The following FMNL2 variants were observed in gnomAD, a reference collection of about 807,000 sequenced individuals.
FMNL2 encodes the protein formin like 2, also known as formin-like protein 2.
A neutral mutation model predicts 130.2 loss-of-function variants in FMNL2; 51 were observed. That is an observed-to-expected ratio of 0.39 (90% CI 0.31 to 0.49). The LOEUF (loss-of-function observed/expected upper bound fraction) is 0.49. Among genes scored for constraint, FMNL2 ranks in the 20% least tolerant of loss-of-function variants. The pLI, the probability that FMNL2 is intolerant of heterozygous loss-of-function variation, is 0.85. For missense variants in FMNL2, 977 were observed against 1,316.2 expected (o/e 0.74, Z 3.99); for synonymous variants, 465 against 467.1 (o/e 1.00, Z 0.06).
At chr2:152,623,603 C>T (rs1348806612) in intron 15 of FMNL2, among the ~76,000 whole-genome samples, 2 of 152,102 alleles carry the variant, frequency 1.3e-5, no homozygotes, top group Non-Finnish European at 2.9e-5. Flanking sequence ...GGCAGGCAGC[C>T]AGCTACAAGC....
Position 152,640,037 on chromosome 2 carries a change from T to TG in FMNL2, c.3028dup (p.Glu1010GlyfsTer11). On this transcript the variant is annotated frameshift_variant, in exon 24 of 26. Transcript: ENST00000288670. LOFTEE classifies it high-confidence loss of function. ...AAACTCCTAGAGCAAGAAGCTCTGA[T>TG]GGAGCAGCAGGATCCAAAGGTAAGA... The TG allele has an allele frequency of 6.4e-7, 1 of 1,554,120 alleles. No individual in the cohort carries two copies. The highest frequency in any genetic ancestry group is 8.7e-7 in the Non-Finnish European group (1 of 1,148,772).
chr2:152,450,777 T>A (rs541118540), intron 1 of FMNL2, among the ~76,000 whole-genome samples: 1 of 152,294 alleles, frequency 6.6e-6, no homozygotes, highest in Non-Finnish European at 1.5e-5. Flanking sequence ...CTGCCCAAGC[T>A]CTCACAAAAG....
intron 2 of FMNL2, among the ~76,000 whole-genome samples, chr2:152,535,389 T>G (rs1052842262): frequency 3.3e-5 from 5 of 152,238 alleles, no homozygotes; most frequent in African/African-American, 1.2e-4. Flanking sequence ...GAGGTTCCTT[T>G]GATCATCTCA....
intron 14 of FMNL2, 68 bp downstream of exon 14, chr2:152,619,226 C>G: frequency 6.8e-7 from 1 of 1,472,104 alleles, no homozygotes. Flanking sequence ...TGCCAACTGT[C>G]CACTTCTGTC....
At chr2:152,622,823 T>C (rs1305595198) in intron 15 of FMNL2, among the ~76,000 whole-genome samples, 1 of 151,220 alleles carries the variant, frequency 6.6e-6, no homozygotes, top group African/African-American at 2.5e-5. Context: ...TTTTTTTTTT[T>C]TTTTCTTCTT....
At chr2:152,395,914 G>A (rs1276992265) in intron 1 of FMNL2, among the ~76,000 whole-genome samples, 11 of 151,846 alleles carry the variant, frequency 7.2e-5, no homozygotes, top group East Asian at 1.9e-4. Context: ...GGGGCGGGGC[G>A]GCGGCAGGCA....
intron 7 of FMNL2, among the ~76,000 whole-genome samples, chr2:152,577,339 A>G (rs1399265773): frequency 3.3e-5 from 5 of 152,222 alleles, no homozygotes; most frequent in Admixed American, 1.3e-4. Flanking sequence ...GAGGGAGATC[A>G]TTAGGAATTC....
rs560628328 is a variant in FMNL2, at chr2:152,419,404, GACA to G, written c.117+83688_117+83690del. ...AAAAGGAAGAAATTCTGTCATTTGC[GACA>G]ACATGAGTGGAATTAGAAAACATGC... On this transcript the variant is annotated intron_variant, in intron 1 of 25. Coordinates refer to ENST00000288670, the MANE Select transcript of FMNL2 (RefSeq NM_052905.4). Among the ~76,000 whole-genome samples, 48 of 152,124 alleles carry G rather than the reference GACA, an allele frequency of 3.2e-4. 1 individual carries two copies. The South Asian group carries it at 9.5e-3, about 30-fold the overall frequency.
chr2:152,429,215 CAAAAAAAAAA>C (rs3047928), intron 1 of FMNL2, among the ~76,000 whole-genome samples: 2 of 95,788 alleles, frequency 2.1e-5, no homozygotes, highest in African/African-American at 3.1e-5. Flanking sequence ...CTTAGAGGAA[CAAAAAAAAAA>C]AAAAAAAAAG....
At chr2:152,621,492 C>T (rs1454794038) in intron 15 of FMNL2, among the ~76,000 whole-genome samples, 1 of 131,202 alleles carries the variant, frequency 7.6e-6, no homozygotes, top group African/African-American at 2.9e-5. Flanking sequence ...TGGCTGATAA[C>T]CAACTGCTTT....
chr2:152,457,077 G>A (rs1688999580), intron 1 of FMNL2, among the ~76,000 whole-genome samples: 1 of 152,024 alleles, frequency 6.6e-6, no homozygotes, highest in Non-Finnish European at 1.5e-5. Context: ...GAATGGAGTT[G>A]ACTGTTAAAC....
chr2:152,640,639 T>C (rs992191870), intron 24 of FMNL2, among the ~76,000 whole-genome samples, 152 bp from the exon 25 acceptor site: 1 of 152,206 alleles, frequency 6.6e-6, no homozygotes, highest in African/African-American at 2.4e-5. Context: ...TCCCAGAAGC[T>C]TGAGTTCTCT....
intron 1 of FMNL2, among the ~76,000 whole-genome samples, chr2:152,403,727 T>C (rs182398278): frequency 6.6e-6 from 1 of 152,300 alleles, no homozygotes; most frequent in African/African-American, 2.4e-5. Flanking sequence ...CACGTCACCT[T>C]TGTGACCCTG....
chr2:152,457,643 T>A (rs926405286), intron 1 of FMNL2, among the ~76,000 whole-genome samples: 6 of 152,214 alleles, frequency 3.9e-5, no homozygotes, highest in Admixed American at 3.9e-4. Flanking sequence ...CCAAAAGATG[T>A]ATGTTTTCTA....
chr2:152,342,536 T>A (rs1302953703), intron 1 of FMNL2, among the ~76,000 whole-genome samples: 1 of 152,208 alleles, frequency 6.6e-6, no homozygotes, highest in Non-Finnish European at 1.5e-5. Context: ...AGAGCCTTCA[T>A]GTACCTTCTT....
chr2:152,516,081 C>G (rs1015851379), intron 1 of FMNL2, among the ~76,000 whole-genome samples: 17 of 152,068 alleles, frequency 1.1e-4, no homozygotes, highest in Non-Finnish European at 1.6e-4. Context: ...TTGTGCTACC[C>G]AGCCATCCAG....
In FMNL2 at chr2:152,491,913, T is replaced by C. The variant is rs747779358; in HGVS notation, c.118-30030T>C. ...TTGCAGTAAGCTGAGATTGTGCTAC[T>C]GCACTCCAGCCTGGGCGACAGAGTG... On this transcript the variant is annotated intron_variant, in intron 1 of 25. Transcript: ENST00000288670. 2.0e-5 allele frequency among the ~76,000 whole-genome samples: 3 copies of C among 152,222 alleles called. No individual in the cohort carries two copies. The South Asian group carries it at 6.2e-4, about 31-fold the overall frequency.
At chr2:152,500,584 T>G (rs1691765067) in intron 1 of FMNL2, among the ~76,000 whole-genome samples, 1 of 152,200 alleles carries the variant, frequency 6.6e-6, no homozygotes, top group African/African-American at 2.4e-5. Flanking sequence ...GTGCGATGGC[T>G]CACGCCTGTA....
intron 13 of FMNL2, among the ~76,000 whole-genome samples, chr2:152,617,688 C>T (rs953569732): frequency 1.3e-5 from 2 of 152,154 alleles, no homozygotes; most frequent in African/African-American, 4.8e-5. Context: ...AAACCCAATC[C>T]ATTTTATTAT....
Sources: allele counts gnomAD v4.1 joint callset (sites outside exome capture counted in the v4.1 genomes callset), GRCh38; gene constraint gnomAD v4.1.1; transcripts MANE v1.5; gene names NCBI Gene and HGNC (gene_info 2026-07-23, HGNC 2026-07-21).